Variants in SLC7A2 observed in about 807,000 individuals in gnomAD.
The protein encoded by SLC7A2 is solute carrier family 7 member 2.
SLC7A2 carries 48 observed loss-of-function variants against 58.9 expected under a neutral mutation model. That is an observed-to-expected ratio of 0.82 (90% CI 0.65 to 1.04). SLC7A2 has a LOEUF of 1.04. SLC7A2 is among the 50% of genes least tolerant of loss of function. The pLI is 0.00. For missense variants in SLC7A2, 1,029 were observed against 818.8 expected, an observed-to-expected ratio of 1.26 and a Z score of -3.13; for synonymous variants, 363 against 314.5, an observed-to-expected ratio of 1.15 and a Z score of -1.63.
chr8:17,531,220 G>C (rs1022215317), intron 2 of SLC7A2, among the ~76,000 whole-genome samples: 2 of 152,194 alleles, frequency 1.3e-5, no homozygotes, highest in African/African-American at 4.8e-5. Flanking sequence ...CAGCAAGAGC[G>C]GGGAGGAAGG....
At chr8:17,499,066 A>G (rs1800055768) in intron 1 of SLC7A2, 2 of 152,250 alleles carry the variant, frequency 1.3e-5, no homozygotes, top group African/African-American at 4.8e-5. Flanking sequence ...TCCCCATTCT[A>G]GGTGGTCTAC....
intron 4 of SLC7A2, among the ~76,000 whole-genome samples, chr8:17,544,956 C>T (rs1305193941): frequency 6.6e-6 from 1 of 152,144 alleles, no homozygotes; most frequent in Non-Finnish European, 1.5e-5. Flanking sequence ...TTTCATCTTG[C>T]TAGATACAAC....
chr8:17,503,825 G>A (rs1001876567), intron 2 of SLC7A2, among the ~76,000 whole-genome samples: 1 of 152,186 alleles, frequency 6.6e-6, no homozygotes, highest in Non-Finnish European at 1.5e-5. Context: ...GAATTCACCA[G>A]CAAGTTTTAA....
intron 2 of SLC7A2, among the ~76,000 whole-genome samples, chr8:17,540,999 G>T (rs1173635334): frequency 2.0e-5 from 3 of 152,088 alleles, no homozygotes; most frequent in Non-Finnish European, 4.4e-5. Context: ...TGACAAATGG[G>T]TATGTTTATC....
At position 17,563,840 on chromosome 8, in the gene SLC7A2, T is replaced by A. The variant is rs1195742676; in HGVS notation, c.1780+129T>A. On this transcript the variant is annotated intron_variant, in intron 12 of 12. Coordinates refer to ENST00000494857, the MANE Select transcript of SLC7A2 (RefSeq NM_001370338.1). Reference sequence around the variant, plus strand: ...CTTTCTTTCCTAATTCTTAGGGATGTCCGAGTGCTTTTCCAGATGTTTTCA... The same window carrying A: ...CTTTCTTTCCTAATTCTTAGGGATGACCGAGTGCTTTTCCAGATGTTTTCA... The A allele has an allele frequency of 4.7e-6, 3 of 634,486 alleles. No individual in the cohort carries two copies. The African/African-American group carries it at 5.5e-5, about 12-fold the overall frequency. The allele number at this position is 634,486 out of a possible 1,614,324, so 39.3% of individuals were successfully genotyped here.
upstream of SLC7A2, among the ~76,000 whole-genome samples, chr8:17,494,964 T>C (rs1401381187): frequency 4.6e-5 from 7 of 152,194 alleles, no homozygotes; most frequent in Admixed American, 1.3e-4. Context: ...AATTCAAAGA[T>C]CGGTATTCTG....
Position 17,568,826 on chromosome 8 carries a change from T to C in SLC7A2, c.*3680T>C, listed in dbSNP as rs373216304. ...AAAAAAAACAAAAATTAGCTGGGCA[T>C]GGTGGCATGCACATGTAGTCAGAGC... On this transcript the variant is annotated 3_prime_UTR_variant, in exon 13 of 13. Transcript: ENST00000494857. The C allele has an allele frequency of 2.0e-5, 3 of 151,834 alleles. No individual in the cohort carries two copies. The highest frequency in any genetic ancestry group is 3.9e-4 in the East Asian group (2 of 5,152). 9.4% of individuals were successfully genotyped at this position (151,834 alleles called of 1,614,324 possible). A position where few individuals can be genotyped will look rare whatever the true frequency, so the allele number is the denominator to read the frequency against.
intron 1 of SLC7A2, chr8:17,499,111 C>T (rs1006286947): frequency 1.3e-5 from 2 of 152,166 alleles, no homozygotes; most frequent in Non-Finnish European, 2.9e-5. Context: ...TGGCTTAAGC[C>T]CTTGTTTCTC....
chr8:17,511,921 G>C (rs1800619663), intron 2 of SLC7A2, among the ~76,000 whole-genome samples: 1 of 151,620 alleles, frequency 6.6e-6, no homozygotes, highest in Non-Finnish European at 1.5e-5. Flanking sequence ...ACTATGTTGT[G>C]ATTTCACAAC....
intron 8 of SLC7A2, 78 bp downstream of exon 8, chr8:17,554,777 G>A (rs1802613534): frequency 2.0e-6 from 3 of 1,475,918 alleles, no homozygotes; most frequent in Middle Eastern, 1.8e-4. Flanking sequence ...ACAAAGCTAG[G>A]TGGTTTTCTT....
intron 2 of SLC7A2, chr8:17,538,992 G>A: frequency 3.7e-6 from 5 of 1,353,206 alleles, no homozygotes; most frequent in Non-Finnish European, 4.2e-6. Flanking sequence ...CCTTTACTTA[G>A]GGGAGGAAGG....
intron 8 of SLC7A2, among the ~76,000 whole-genome samples, chr8:17,555,651 TC>T (rs1345477238): frequency 6.6e-6 from 1 of 152,144 alleles, no homozygotes; most frequent in Non-Finnish European, 1.5e-5. Flanking sequence ...ATCGCAGCCA[TC>T]TAACAGTTAG....
intron 7 of SLC7A2, among the ~76,000 whole-genome samples, chr8:17,553,596 C>T (rs952078374): frequency 3.3e-5 from 5 of 152,132 alleles, no homozygotes; most frequent in African/African-American, 9.7e-5. Context: ...CGTAGCAAGG[C>T]TCGGTCTCCA....
At chr8:17,561,584 A>T (rs1004666255) in intron 10 of SLC7A2, among the ~76,000 whole-genome samples, 9 of 152,138 alleles carry the variant, frequency 5.9e-5, no homozygotes, top group Non-Finnish European at 1.2e-4. Context: ...AAATAACCAG[A>T]TGTGCCATTT....
In SLC7A2 at chr8:17,562,039, C is replaced by A; in HGVS notation, c.1600C>A (p.Leu534Ile). The change falls in exon 11 of 13, where the codon CTT (leucine) becomes ATT (isoleucine). Residue 534 changes from leucine to isoleucine, a missense_variant. By Grantham distance (5) the Leu-to-Ile change is conservative (BLOSUM62 2). Transcript: ENST00000494857. ...AWSLALLALF[L>I]VLFVAIVLTI... ...GAGCCTCGCTCTCCTCGCGCTGTTT[C>A]TTGTTCTCTTCGTTGCCATCGTTCT... 2 of 1,614,086 alleles carry A rather than the reference C, an allele frequency of 1.2e-6. No individual in the cohort carries two copies. Among genetic ancestry groups the A allele is most frequent in the South Asian group, 2.2e-5 (2 of 91,080 alleles).
chr8:17,505,698 T>G (rs1291657529), intron 2 of SLC7A2, among the ~76,000 whole-genome samples: 1 of 152,194 alleles, frequency 6.6e-6, no homozygotes, highest in Non-Finnish European at 1.5e-5. Flanking sequence ...GTAAGCATAG[T>G]CAGTGCCCTC....
Position 17,497,199 on chromosome 8 carries a change from C to G in SLC7A2, c.-107C>G, listed in dbSNP as rs1247686879. 1 of 151,922 alleles carries G rather than the reference C, an allele frequency of 6.6e-6. No individual in the cohort carries two copies. Among genetic ancestry groups the G allele is most frequent in the Non-Finnish European group, 1.5e-5 (1 of 67,930 alleles). The allele number at this position is 151,922 out of a possible 1,614,324, so 9.4% of individuals were successfully genotyped here. A position where few individuals can be genotyped will look rare whatever the true frequency, so the allele number is the denominator to read the frequency against. ...CCCCCGACGCGCTGCAGCCGGCAGC[C>G]CACCGCCGCCTTCTTGGCGCGACCC... is the stretch of plus-strand genomic sequence containing the variant. On this transcript the variant is annotated 5_prime_UTR_variant, in exon 1 of 13. Transcript: ENST00000494857.
At chr8:17,529,267 A>G (rs118020116) in intron 2 of SLC7A2, among the ~76,000 whole-genome samples, 5,918 of 152,200 alleles carry the variant, frequency 0.039, 144 homozygotes, top group Middle Eastern at 0.075. Context: ...TGTACGTACA[A>G]CCATCTCTTC....
chr8:17,538,938 A>C lies in SLC7A2; in HGVS notation c.-22-4380A>C. On this transcript the variant is annotated intron_variant, in intron 2 of 12. Transcript: ENST00000494857. ...AGTTTCTCCTGTAAGATTTATTGTCAGGGCCTGGGATACTGATATAGAAGA... is the reference window on the plus strand; with the variant it reads ...AGTTTCTCCTGTAAGATTTATTGTCCGGGCCTGGGATACTGATATAGAAGA... 1.9e-6 allele frequency: 3 copies of C among 1,602,892 alleles called. No homozygotes were observed. In the South Asian group the frequency reaches 3.4e-5, roughly 18 times the overall value.
Sources: gnomAD v4.1 joint callset for allele counts (sites outside exome capture counted in the v4.1 genomes callset) on GRCh38, gnomAD v4.1.1 for gene constraint, MANE v1.5 for transcripts, NCBI Gene and HGNC (gene_info 2026-07-23, HGNC 2026-07-21) for gene names.